NOX4: variants seen among roughly 807,000 people sequenced by gnomAD.
NOX4 encodes kidney oxidase-1.
A neutral mutation model predicts 87.6 loss-of-function variants in NOX4; 69 were observed. The observed-to-expected ratio is 0.79, with a 90% CI of 0.65 to 0.96. NOX4 has a LOEUF of 0.96. Among genes scored for constraint, NOX4 ranks in the 40% least tolerant of loss-of-function variants. The pLI is 0.00. For missense variants in NOX4, 680 were observed against 681.5 expected, an observed-to-expected ratio of 1.00 and a Z score of 0.02; for synonymous variants, 275 against 238.2, an observed-to-expected ratio of 1.15 and a Z score of -1.42.
chr11:89,403,400 A>G (rs546814556), intron 8 of NOX4, among the ~76,000 whole-genome samples: 1 of 152,298 alleles, frequency 6.6e-6, no homozygotes, highest in South Asian at 2.1e-4. Context: ...ATATTTTATT[A>G]TTTTAAAGAA....
chr11:89,468,358 A>G (rs1591330443), intron 2 of NOX4, among the ~76,000 whole-genome samples: 1 of 152,224 alleles, frequency 6.6e-6, no homozygotes, highest in East Asian at 1.9e-4. Context: ...AGTTGCTTCT[A>G]CAATTGTTGA....
the NOX4 span, among the ~76,000 whole-genome samples, chr11:89,561,015 T>TATATATATATATATAC: frequency 1.1e-3 from 91 of 80,472 alleles, 1 homozygote; most frequent in African/African-American, 2.7e-3. Context: ...TATATATATA[T>TATATATATATATATAC]ATATACATAC....
At chr11:89,451,970 G>A in intron 2 of NOX4, 75 bp from the exon 3 acceptor site, 1 of 941,290 alleles carries the variant, frequency 1.1e-6, no homozygotes, top group Non-Finnish European at 1.7e-6. Context: ...GAAGCTAGAG[G>A]TCTCACCCTA....
intron 4 of NOX4, among the ~76,000 whole-genome samples, chr11:89,446,262 G>A (rs1944698826): frequency 6.6e-6 from 1 of 152,064 alleles, no homozygotes; most frequent in East Asian, 1.9e-4. Flanking sequence ...ATTGCAGGTG[G>A]GGGATGCAAA....
chr11:89,491,168 A>T (rs762859007), intron 1 of NOX4, 22 bp downstream of exon 1: 5 of 1,611,588 alleles, frequency 3.1e-6, no homozygotes, highest in Non-Finnish European at 4.2e-6. Flanking sequence ...GAACGCAAGG[A>T]GAGCCTAGCC....
the NOX4 span, among the ~76,000 whole-genome samples, chr11:89,579,402 G>A: frequency 1.3e-5 from 2 of 151,990 alleles, no homozygotes; most frequent in African/African-American, 4.8e-5. Flanking sequence ...ATGCATGTGT[G>A]GGGACAGAGA....
At chr11:89,583,290 G>A in the NOX4 span, among the ~76,000 whole-genome samples, 1 of 152,104 alleles carries the variant, frequency 6.6e-6, no homozygotes, top group South Asian at 2.1e-4. Flanking sequence ...ATAAACTCAG[G>A]TGAAACTTAA....
the NOX4 span, among the ~76,000 whole-genome samples, chr11:89,588,309 A>G: frequency 6.6e-6 from 1 of 152,228 alleles, no homozygotes; most frequent in African/African-American, 2.4e-5. Flanking sequence ...TTTAGGCTAA[A>G]CATAGCTATT....
At chr11:89,394,680 T>G (rs1941355374) in intron 11 of NOX4, among the ~76,000 whole-genome samples, 2 of 151,862 alleles carry the variant, frequency 1.3e-5, no homozygotes, top group African/African-American at 4.8e-5. Flanking sequence ...AGGCCCTGGT[T>G]TGTGATGTTC....
At chr11:89,343,009 G>C (rs1292420263) in intron 13 of NOX4, among the ~76,000 whole-genome samples, 1 of 152,160 alleles carries the variant, frequency 6.6e-6, no homozygotes, top group Non-Finnish European at 1.5e-5. Context: ...TTGGCTGTGT[G>C]ACTATATTTT....
chr11:89,386,654 G>A (rs1940723586), intron 11 of NOX4, among the ~76,000 whole-genome samples: 1 of 151,872 alleles, frequency 6.6e-6, no homozygotes, highest in South Asian at 2.1e-4. Flanking sequence ...AAATCGTGGA[G>A]GCCTCGACTT....
intron 13 of NOX4, among the ~76,000 whole-genome samples, chr11:89,347,950 A>T (rs1259722773): frequency 6.6e-6 from 1 of 152,148 alleles, no homozygotes; most frequent in African/African-American, 2.4e-5. Context: ...ATGGGTCTTC[A>T]TTGTCTTTAC....
intron 12 of NOX4, among the ~76,000 whole-genome samples, chr11:89,364,416 A>C (rs1377918105): frequency 6.6e-6 from 1 of 152,130 alleles, no homozygotes; most frequent in African/African-American, 2.4e-5. Context: ...GAAGAAAATA[A>C]AATGATTTAC....
At chr11:89,495,865 C>T (rs1166919937), upstream of NOX4, among the ~76,000 whole-genome samples, 2 of 151,836 alleles carry the variant, frequency 1.3e-5, no homozygotes, top group East Asian at 1.9e-4. Flanking sequence ...GTCTAATTAC[C>T]AGGAGGGATT....
intron 11 of NOX4, among the ~76,000 whole-genome samples, chr11:89,399,432 AAT>A (rs1208007737): frequency 0.046 from 3,490 of 75,438 alleles, 58 homozygotes; most frequent in East Asian, 0.089. Flanking sequence ...CAAGAAATTA[AAT>A]ATATATATAT....
chr11:89,360,168 T>C (rs1450630390), intron 12 of NOX4, among the ~76,000 whole-genome samples: 1 of 152,080 alleles, frequency 6.6e-6, no homozygotes, highest in Admixed American at 6.6e-5. Context: ...TTATTTCACA[T>C]TGTTTTGGCA....
At position 89,389,495 on chromosome 11, in the gene NOX4, G is replaced by A. The variant is rs181289981; in HGVS notation, c.1074+10522C>T. 2.6e-3 allele frequency among the ~76,000 whole-genome samples: 392 copies of A among 152,222 alleles called. 1 individual carries two copies. Among genetic ancestry groups the A allele is most frequent in the Admixed American group, 5.8e-3 (88 of 15,280 alleles). ...ATTGTTTCTAACTGGCACAGTATAT[G>A]AAAATAAGTATTAGACTTTTTAAAA... is the stretch of plus-strand genomic sequence containing the variant. On this transcript the variant is annotated intron_variant, in intron 11 of 17. Transcript: ENST00000263317.
intron 14 of NOX4, among the ~76,000 whole-genome samples, chr11:89,341,697 G>T (rs1453981336): frequency 6.6e-6 from 1 of 152,004 alleles, no homozygotes; most frequent in Non-Finnish European, 1.5e-5. Flanking sequence ...TTCATTCATT[G>T]CTGTCTTCCC....
At chr11:89,529,336 G>A in the NOX4 span, among the ~76,000 whole-genome samples, 1 of 152,162 alleles carries the variant, frequency 6.6e-6, no homozygotes, top group African/African-American at 2.4e-5. Context: ...AAATATAAAT[G>A]TGTTCAATTT....
Sources: gnomAD v4.1 joint callset for allele counts (sites outside exome capture counted in the v4.1 genomes callset) on GRCh38, gnomAD v4.1.1 for gene constraint, MANE v1.5 for transcripts, NCBI Gene and HGNC (gene_info 2026-07-23, HGNC 2026-07-21) for gene names.